Variants in FREM2 observed in about 807,000 individuals in gnomAD.
FREM2 encodes the protein FRAS1-related extracellular matrix protein 2.
FREM2 carries 119 observed loss-of-function variants against 219.9 expected under a neutral mutation model. That is an observed-to-expected ratio of 0.54 (90% CI 0.47 to 0.63). The LOEUF (loss-of-function observed/expected upper bound fraction) is 0.63, where lower values mean the gene tolerates loss of function less well. Ranked by LOEUF, FREM2 falls within the 30% of genes least tolerant of loss-of-function variation. FREM2 has a pLI of 0.00. For missense variants in FREM2, 4,030 were observed against 3,993.6 expected, an observed-to-expected ratio of 1.01 and a Z score of -0.25; for synonymous variants, 1,562 against 1,522.8, an observed-to-expected ratio of 1.03 and a Z score of -0.60.
At chr13:38,770,353 C>T (rs1397643766) in intron 4 of FREM2, among the ~76,000 whole-genome samples, 3 of 151,732 alleles carry the variant, frequency 2.0e-5, no homozygotes, top group African/African-American at 7.2e-5. Flanking sequence ...ACACTGTGCC[C>T]AGCCAGGGAT....
At chr13:38,801,807 G>C (rs143661642) in intron 6 of FREM2, among the ~76,000 whole-genome samples, 21 of 152,292 alleles carry the variant, frequency 1.4e-4, no homozygotes, top group African/African-American at 5.1e-4. Flanking sequence ...GGCCCAGTTC[G>C]TTGGCTTTCA....
At chr13:38,864,167 G>C in intron 15 of FREM2, 108 bp from the exon 16 acceptor site, 2 of 854,754 alleles carry the variant, frequency 2.3e-6, no homozygotes, top group Non-Finnish European at 3.8e-6. Context: ...CACCACTGCT[G>C]TATGGCATTT....
At chr13:38,864,798 A>C (rs1877899577) in intron 16 of FREM2, among the ~76,000 whole-genome samples, 192 bp downstream of exon 16, 1 of 151,276 alleles carries the variant, frequency 6.6e-6, no homozygotes, top group South Asian at 2.1e-4. Flanking sequence ...GGGCCAGAAT[A>C]TACGTAGTTT....
At chr13:38,783,966 G>A (rs1017011796) in intron 5 of FREM2, among the ~76,000 whole-genome samples, 23 of 152,244 alleles carry the variant, frequency 1.5e-4, no homozygotes, top group Non-Finnish European at 2.8e-4. Context: ...ATGGTGGCGC[G>A]CACGCGCCTG....
chr13:38,727,340 G>A (rs373271607), intron 2 of FREM2, among the ~76,000 whole-genome samples: 56 of 152,160 alleles, frequency 3.7e-4, no homozygotes, highest in Non-Finnish European at 2.8e-4. Context: ...AAAATACAGC[G>A]TGGTGGCACA....
At chr13:38,718,052 C>CT (rs1169382754) in intron 2 of FREM2, among the ~76,000 whole-genome samples, 3 of 152,114 alleles carry the variant, frequency 2.0e-5, no homozygotes, top group South Asian at 4.1e-4. Flanking sequence ...TTAACTGTGT[C>CT]TTTTTTCATA....
chr13:38,818,897 A>C (rs985755443), intron 6 of FREM2, among the ~76,000 whole-genome samples: 1 of 152,080 alleles, frequency 6.6e-6, no homozygotes, highest in Non-Finnish European at 1.5e-5. Context: ...GTCTCAAAAA[A>C]AAAATGCTAG....
intron 2 of FREM2, among the ~76,000 whole-genome samples, chr13:38,736,742 TA>T (rs1872012620): frequency 6.6e-6 from 1 of 152,220 alleles, no homozygotes; most frequent in South Asian, 2.1e-4. Flanking sequence ...AATCATCATG[TA>T]AAGAAATTTA....
intron 6 of FREM2, among the ~76,000 whole-genome samples, chr13:38,819,258 G>A (rs963294701): frequency 4.4e-4 from 67 of 152,102 alleles, no homozygotes; most frequent in African/African-American, 1.5e-3. Flanking sequence ...CACAGGAAAA[G>A]CATTAAAGAG....
intron 18 of FREM2, among the ~76,000 whole-genome samples, chr13:38,875,173 G>T (rs1342439590): frequency 3.3e-5 from 5 of 149,558 alleles, no homozygotes; most frequent in Non-Finnish European, 1.5e-5. Flanking sequence ...TTTTAACAAG[G>T]ACATTTCACT....
In FREM2 at chr13:38,882,683, C is replaced by G. The variant is rs2137945709; in HGVS notation, c.*1896C>G. 6.6e-6 allele frequency: 1 copy of G among 152,200 alleles called. No homozygotes were observed. Among genetic ancestry groups the G allele is most frequent in the African/African-American group, 2.4e-5 (1 of 41,554 alleles). The allele number at this position is 152,200 out of a possible 1,614,324, so 9.4% of individuals were successfully genotyped here. A position where few individuals can be genotyped will look rare whatever the true frequency, so the allele number is the denominator to read the frequency against. Reference sequence around the variant, plus strand: ...AATAGTGGTAATTTCTTAATCATTCCCCTTTCCTTTGCTTTACCTTCTGGC... The same window carrying G: ...AATAGTGGTAATTTCTTAATCATTCGCCTTTCCTTTGCTTTACCTTCTGGC... On this transcript the variant is annotated 3_prime_UTR_variant, in exon 24 of 24. Transcript: ENST00000280481.
chr13:38,696,244 T>A (rs779777893), intron 1 of FREM2, among the ~76,000 whole-genome samples: 2 of 152,188 alleles, frequency 1.3e-5, no homozygotes, highest in Non-Finnish European at 2.9e-5. Context: ...AAAATCAGAT[T>A]TTCCATTCTG....
At position 38,872,813 on chromosome 13, in the gene FREM2, C is replaced by T. The variant is rs148758281; in HGVS notation, c.8055C>T (p.Pro2685=). 32 of 1,613,874 alleles carry T rather than the reference C, an allele frequency of 2.0e-5. No individual in the cohort carries two copies. The highest frequency in any genetic ancestry group is 1.3e-4 in the East Asian group (6 of 44,886). Residue 2685 remains proline, a synonymous_variant, in exon 17 of 24, where the codon CCC becomes CCT. Transcript: ENST00000280481. Reference sequence around the variant, plus strand: ...ATGTTTCCTACGTGTTCCATTCCCCCGTGGGGGTAGGAGGCTGGCAGCATT... The same window carrying T: ...ATGTTTCCTACGTGTTCCATTCCCCTGTGGGGGTAGGAGGCTGGCAGCATT... ...PLYVSYVFHS[P]VGVGGWQHFD... is the part of the protein sequence containing the mutation.
chr13:38,864,016 A>G (rs1877858898), intron 15 of FREM2, among the ~76,000 whole-genome samples: 1 of 151,960 alleles, frequency 6.6e-6, no homozygotes, highest in Non-Finnish European at 1.5e-5. Flanking sequence ...TTTGGTAGAG[A>G]CAGGGTTTCA....
intron 4 of FREM2, among the ~76,000 whole-genome samples, chr13:38,779,155 C>G (rs1874002983): frequency 6.6e-6 from 1 of 151,710 alleles, no homozygotes; most frequent in African/African-American, 2.4e-5. Context: ...CATGTTCTCA[C>G]TCATAAGTGG....
rs764681286 is a variant in FREM2, at chr13:38,850,169, G to A, written c.6511G>A (p.Ala2171Thr). The A allele has an allele frequency of 2.5e-6, 4 of 1,614,016 alleles. No homozygotes were observed. Among genetic ancestry groups the A allele is most frequent in the Non-Finnish European group, 3.4e-6 (4 of 1,179,898 alleles). Residue 2171 changes from alanine (A) to threonine (T), a missense_variant, in exon 9 of 24, where the codon GCA (alanine) becomes ACA (threonine). This residue lies in a region of FREM2 where 3,102 missense variants were observed against 2,950.7 expected (regional missense o/e 1.05). Transcript: ENST00000280481. ...SVRCYTRQGS[A>T]QVMMDFEERP... ...GAGATGCTACACCCGGCAGGGGTCT[G>A]CACAGGTGATGATGGACTTTGAAGA...
chr13:38,725,021 A>G (rs909660849), intron 2 of FREM2, among the ~76,000 whole-genome samples: 6 of 152,174 alleles, frequency 3.9e-5, no homozygotes, highest in African/African-American at 1.4e-4. Context: ...TGTAAATTAT[A>G]TTTGTTTTGA....
intron 6 of FREM2, among the ~76,000 whole-genome samples, chr13:38,840,624 AAAT>A (rs1876913063): frequency 2.3e-5 from 2 of 87,864 alleles, no homozygotes; most frequent in African/African-American, 9.1e-5. Context: ...GATAAAACTA[AAAT>A]ATATATATAT....
intron 2 of FREM2, among the ~76,000 whole-genome samples, chr13:38,731,990 G>C (rs1366826691): frequency 1.3e-5 from 2 of 152,166 alleles, no homozygotes; most frequent in Non-Finnish European, 2.9e-5. Context: ...CTTGAGATGT[G>C]TCACATAGAG....
Sources: allele counts gnomAD v4.1 joint callset (sites outside exome capture counted in the v4.1 genomes callset), GRCh38; gene constraint gnomAD v4.1.1; regional missense constraint gnomAD v4.1.1; transcripts MANE v1.5; gene names NCBI Gene and HGNC (gene_info 2026-07-23, HGNC 2026-07-21).